Variants in TIMM44 observed in about 807,000 individuals in gnomAD.
TIMM44 encodes the protein mitochondrial import inner membrane translocase subunit TIM44.
A neutral mutation model predicts 63.8 loss-of-function variants in TIMM44; 37 were observed. The observed-to-expected ratio is 0.58, with a 90% confidence interval of 0.45 to 0.76. The LOEUF (loss-of-function observed/expected upper bound fraction) is 0.76, where lower values mean the gene tolerates loss of function less well. TIMM44 is among the 30% of genes least tolerant of loss of function. The probability of loss-of-function intolerance (pLI) is 0.00; values close to 1 mark genes in which losing one functional copy is unlikely to be tolerated. For missense variants in TIMM44, 573 were observed against 603.8 expected, an observed-to-expected ratio of 0.95 and a Z score of 0.54; for synonymous variants, 239 against 245.1, an observed-to-expected ratio of 0.98 and a Z score of 0.23.
At chr19:7,939,442 G>A (rs529637263) in intron 2 of TIMM44, among the ~76,000 whole-genome samples, 1 of 150,954 alleles carries the variant, frequency 6.6e-6, no homozygotes, top group Non-Finnish European at 1.5e-5. Flanking sequence ...TGAAACCCCC[G>A]TCTCTACTAA....
chr19:7,943,502 C>T lies in TIMM44; in HGVS notation c.45+105G>A, dbSNP rs1349779370. 7.6e-6 allele frequency: 10 copies of T among 1,324,380 alleles called. No homozygotes were observed. The highest frequency in any genetic ancestry group is 2.5e-5 in the East Asian group (1 of 39,966). 82.0% of individuals were successfully genotyped at this position (1,324,380 alleles called of 1,614,324 possible). A position where few individuals can be genotyped will look rare whatever the true frequency, so the allele number is the denominator to read the frequency against. On this transcript the variant is annotated intron_variant, in intron 1 of 12. Transcript: ENST00000270538. The surrounding 1 kb of genome is among the most constrained non-coding windows in gnomAD (Gnocchi z 4.3). ...ATCTAACCCCAAGCTTTCTAAGGAG[C>T]CCAAGCAAGGGTCGCGAAGGCCAAG...
chr19:7,935,934 G>A (rs899189737), intron 3 of TIMM44, among the ~76,000 whole-genome samples: 2 of 152,164 alleles, frequency 1.3e-5, no homozygotes, highest in African/African-American at 4.8e-5. Context: ...TGGGAGGATC[G>A]CTTGAGCCCA....
Position 7,938,200 on chromosome 19 carries a change from A to G in TIMM44, c.142-3T>C. The stretch of plus-strand genomic sequence containing the variant: ...TTTCCAGAAGAATATGATTTGGACT[A>G]GAAAGAATGTACAAGAAAAAAAATT... On this transcript the variant is annotated splice_polypyrimidine_tract_variant and splice_region_variant and intron_variant, in intron 2 of 12. Transcript: ENST00000270538. The G allele has an allele frequency of 6.2e-7, 1 of 1,611,816 alleles. No homozygotes were observed. Among genetic ancestry groups the G allele is most frequent in the South Asian group, 1.1e-5 (1 of 90,524 alleles).
At chr19:7,932,215 G>T (rs778620209) in intron 9 of TIMM44, 2 of 241,592 alleles carry the variant, frequency 8.3e-6, no homozygotes, top group African/African-American at 2.3e-5. Flanking sequence ...GGACAGCACC[G>T]TGAGGGAACC....
chr19:7,939,891 G>A (rs534095918), intron 2 of TIMM44, among the ~76,000 whole-genome samples: 36 of 151,348 alleles, frequency 2.4e-4, no homozygotes, highest in African/African-American at 7.1e-4. Flanking sequence ...CAGCCTGGGC[G>A]ACAGAGTGAG....
At chr19:7,940,158 A>G (rs1733869413) in intron 2 of TIMM44, among the ~76,000 whole-genome samples, 1 of 150,818 alleles carries the variant, frequency 6.6e-6, no homozygotes, top group Admixed American at 6.6e-5. Flanking sequence ...GCTTAAGCCC[A>G]GGAGTTCAAG....
Position 7,930,091 on chromosome 19 carries a change from C to T in TIMM44, c.1038+1047G>A, listed in dbSNP as rs572060782. Among the ~76,000 whole-genome samples, 33 of 151,968 alleles carry T rather than the reference C, an allele frequency of 2.2e-4. No homozygotes were observed. The South Asian group carries it at 4.8e-3, about 22-fold the overall frequency. ...CTCGAACTCCTGACCTCAGGTGATC[C>T]GCCCGCCTCAGCCTCCCAAGGTGCT... On this transcript the variant is annotated intron_variant, in intron 10 of 12. Transcript: ENST00000270538.
chr19:7,936,826 C>A (rs4804838), intron 3 of TIMM44, among the ~76,000 whole-genome samples: 22,488 of 151,804 alleles, frequency 0.15, 2,251 homozygotes, highest in Non-Finnish European at 0.22. Context: ...TAGGGCTGGG[C>A]GCACTGGCTC....
At chr19:7,930,068 C>T (rs958557443) in intron 10 of TIMM44, among the ~76,000 whole-genome samples, 1 of 151,976 alleles carries the variant, frequency 6.6e-6, no homozygotes, top group Non-Finnish European at 1.5e-5. Context: ...AGACTGGTCT[C>T]GAACTCCTGA....
In TIMM44 at chr19:7,934,629, T is replaced by C. The variant is rs1984091488; in HGVS notation, c.394-391A>G. Among the ~76,000 whole-genome samples, 1 of 152,010 alleles carries C rather than the reference T, an allele frequency of 6.6e-6. No individual in the cohort carries two copies. Among genetic ancestry groups the C allele is most frequent in the African/African-American group, 2.4e-5 (1 of 41,382 alleles). The stretch of plus-strand genomic sequence containing the variant: ...CCGGGAACTGCCTGGCAGCAAGGAT[T>C]CCCAAGGAGGGGACCCCGGGGAAAG... On this transcript the variant is annotated intron_variant, in intron 4 of 12. Coordinates refer to ENST00000270538, the MANE Select transcript of TIMM44 (RefSeq NM_006351.4). This position sits in a 1 kb window ranked among gnomAD's most constrained non-coding sequence, Gnocchi z 5.3.
chr19:7,937,643 C>T (rs1219977416), intron 3 of TIMM44, among the ~76,000 whole-genome samples: 4 of 152,214 alleles, frequency 2.6e-5, no homozygotes, highest in Admixed American at 1.3e-4. Flanking sequence ...TGCCCCCAAC[C>T]GTCCAGCCCT....
In TIMM44 at chr19:7,933,309, C is replaced by A. The variant is rs1040849613; in HGVS notation, c.769+176G>T. Among the ~76,000 whole-genome samples, 1 of 152,104 alleles carries A rather than the reference C, an allele frequency of 6.6e-6. No individual in the cohort carries two copies. The highest frequency in any genetic ancestry group is 1.5e-5 in the Non-Finnish European group (1 of 68,012). On this transcript the variant is annotated intron_variant, in intron 7 of 12. Transcript: ENST00000270538. This position sits in a 1 kb window ranked among gnomAD's most constrained non-coding sequence, Gnocchi z 4.3. ...TTATGAGGGAGCACCTGGCTTCTGG[C>A]GGCAGAATCTACAGCCCCACCATCA...
rs1474713283 is a variant in TIMM44 at position 7,938,172 on chromosome 19, C to T, written c.167G>A (p.Arg56Lys). The change falls in exon 3 of 13, where the codon AGA (arginine) becomes AAA (lysine). Residue 56 changes from arginine (R) to lysine (K), a missense_variant. Physicochemically the swap from Arg to Lys is conservative, Grantham distance 26 (BLOSUM62 2). Coordinates refer to ENST00000270538, the MANE Select transcript of TIMM44 (RefSeq NM_006351.4). ...PLSKSYSSGNRKGFLSGLLDN... is the reference protein window; with the variant it reads ...PLSKSYSSGNKKGFLSGLLDN... ...TAGCAAGCCGGACAGAAAGCCTTTT[C>T]TGTTTCCAGAAGAATATGATTTGGA... is the stretch of plus-strand genomic sequence containing the variant. 3 of 1,613,310 alleles carry T rather than the reference C, an allele frequency of 1.9e-6. No individual in the cohort carries two copies. The highest frequency in any genetic ancestry group is 1.7e-5 in the Admixed American group (1 of 59,862).
intron 10 of TIMM44, among the ~76,000 whole-genome samples, chr19:7,929,525 G>C (rs1324652955): frequency 6.6e-6 from 1 of 152,176 alleles, no homozygotes; most frequent in Non-Finnish European, 1.5e-5. Context: ...GGGCTGTTTG[G>C]TTACCAGGGT....
intron 1 of TIMM44, 63 bp from the exon 2 acceptor site, chr19:7,941,260 A>T: frequency 7.6e-7 from 1 of 1,315,826 alleles, no homozygotes; most frequent in South Asian, 1.2e-5. Flanking sequence ...AAGTAAGCAG[A>T]CCACACACAA....
rs1335206603 is a variant in TIMM44, at chr19:7,943,478, T to C, written c.45+129A>G. ...TGTCCTGGCCTCTGCTACCCAAAGA[T>C]CTAACCCCAAGCTTTCTAAGGAGCC... On this transcript the variant is annotated intron_variant, in intron 1 of 12. Coordinates refer to ENST00000270538, the MANE Select transcript of TIMM44 (RefSeq NM_006351.4). The surrounding 1 kb of genome is among the most constrained non-coding windows in gnomAD (Gnocchi z 4.3). 2 of 1,151,152 alleles carry C rather than the reference T, an allele frequency of 1.7e-6. No homozygotes were observed. The highest frequency in any genetic ancestry group is 2.5e-6 in the Non-Finnish European group (2 of 799,038). The allele number at this position is 1,151,152 out of a possible 1,614,324, so 71.3% of individuals were successfully genotyped here.
chr19:7,940,112 G>A (rs1297520217), intron 2 of TIMM44, among the ~76,000 whole-genome samples: 3 of 151,514 alleles, frequency 2.0e-5, no homozygotes, highest in Non-Finnish European at 4.4e-5. Flanking sequence ...ACACACCTGT[G>A]GTCCCAGCTA....
At chr19:7,928,923 C>CAAAAAAAAAAAAAAAAAAAAAAAAAAAA (rs758167153) in intron 10 of TIMM44, 1 of 70,094 alleles carries the variant, frequency 1.4e-5, no homozygotes, top group Admixed American at 1.5e-4. Context: ...AACAAAAAAC[C>CAAAAAAAAAAAAAAAAAAAAAAAAAAAA]AAAAAAAAAA....
chr19:7,932,920 A>C lies in TIMM44; in HGVS notation c.782T>G (p.Met261Arg). The C allele has an allele frequency of 6.2e-7, 1 of 1,614,032 alleles. No homozygotes were observed. ...NNVVFNRFFE[M>R]KMKYDESDNA... is the part of the protein sequence containing the mutation. ...GTCGCTTTCGTCATACTTCATCTTC[A>C]TCTCGAAGAACCCTGTGGAAGATGG... The change falls in exon 8 of 13, where the codon ATG becomes AGG. Residue 261 changes from methionine (M) to arginine (R), a missense_variant. Transcript: ENST00000270538.
Sources: allele counts gnomAD v4.1 joint callset (sites outside exome capture counted in the v4.1 genomes callset), GRCh38; gene constraint gnomAD v4.1.1; non-coding constraint Gnocchi (gnomAD v3.1); transcripts MANE v1.5; gene names NCBI Gene and HGNC (gene_info 2026-07-23, HGNC 2026-07-21).